ZNF536: variants seen among roughly 807,000 people sequenced by gnomAD.
ZNF536 encodes the protein zinc finger protein 536.
In ZNF536, 13 loss-of-function variants were observed where a neutral mutation model predicts 84.5. The ratio of observed to expected loss-of-function variants is 0.15; its 90% CI spans 0.10 to 0.24. The LOEUF (loss-of-function observed/expected upper bound fraction) is 0.24, where lower values mean the gene tolerates loss of function less well. ZNF536 is among the 10% of genes least tolerant of loss of function. The probability of loss-of-function intolerance (pLI) is 1.00; values close to 1 mark genes in which losing one functional copy is unlikely to be tolerated. For missense variants in ZNF536, 1,536 were observed against 1,747.5 expected (o/e 0.88, Z 2.16); for synonymous variants, 811 against 742.5 (o/e 1.09, Z -1.50).
intron 1 of ZNF536, among the ~76,000 whole-genome samples, chr19:30,680,527 C>T (rs1480359424): frequency 2.6e-5 from 4 of 151,140 alleles, no homozygotes; most frequent in Admixed American, 6.6e-5. Context: ...CTTGCGATAG[C>T]TTACTGAGAA....
intron 2 of ZNF536, among the ~76,000 whole-genome samples, chr19:30,342,515 C>A (rs2047597027): frequency 6.6e-6 from 1 of 152,146 alleles, no homozygotes; most frequent in African/African-American, 2.4e-5. Flanking sequence ...ATGGAAGATT[C>A]CAGTTTTATG....
intron 1 of ZNF536, among the ~76,000 whole-genome samples, chr19:30,384,112 CT>C (rs1189353689): frequency 9.0e-5 from 5 of 55,356 alleles, no homozygotes; most frequent in African/African-American, 3.7e-4. Flanking sequence ...TTCTTTCTTT[CT>C]TTCTTTCTTT....
chr19:30,295,425 T>C (rs532218644), intron 2 of ZNF536, among the ~76,000 whole-genome samples: 1 of 152,256 alleles, frequency 6.6e-6, no homozygotes, highest in East Asian at 1.9e-4. Flanking sequence ...GGTGTCAGAA[T>C]TGCGTGGAGG....
At chr19:30,237,916 C>A (rs1356602978) in intron 1 of ZNF536, among the ~76,000 whole-genome samples, 3 of 152,076 alleles carry the variant, frequency 2.0e-5, no homozygotes, top group Non-Finnish European at 4.4e-5. Context: ...CAGTGTAACA[C>A]CATGATAAAG....
At chr19:30,313,036 G>T (rs1026451738) in intron 2 of ZNF536, among the ~76,000 whole-genome samples, 1 of 152,226 alleles carries the variant, frequency 6.6e-6, no homozygotes. Context: ...TCCAGATCCC[G>T]CTGGGGTGAG....
intron 3 of ZNF536, among the ~76,000 whole-genome samples, chr19:30,538,453 C>T (rs2045184957): frequency 6.6e-6 from 1 of 152,142 alleles, no homozygotes; most frequent in African/African-American, 2.4e-5. Context: ...CTTTTTCTCC[C>T]CACTGCATTA....
intron 1 of ZNF536, among the ~76,000 whole-genome samples, chr19:30,386,285 C>A (rs1333089746): frequency 6.6e-6 from 1 of 152,252 alleles, no homozygotes; most frequent in Non-Finnish European, 1.5e-5. Context: ...TAGCCCCTCA[C>A]TCAGCTGAGC....
intron 1 of ZNF536, among the ~76,000 whole-genome samples, chr19:30,703,130 T>C (rs1268590952): frequency 6.6e-6 from 1 of 151,946 alleles, no homozygotes; most frequent in East Asian, 1.9e-4. Context: ...AGGAGTTGGA[T>C]GAAGTAGGGG....
At chr19:30,367,512 C>T (rs2048474194), upstream of ZNF536, among the ~76,000 whole-genome samples, 1 of 152,204 alleles carries the variant, frequency 6.6e-6, no homozygotes, top group South Asian at 2.1e-4. Context: ...TTCACACCTG[C>T]ACGCCCCATG....
chr19:30,552,039 T>C (rs957213109), intron 4 of ZNF536, among the ~76,000 whole-genome samples: 6 of 152,150 alleles, frequency 3.9e-5, no homozygotes, highest in African/African-American at 1.4e-4. Flanking sequence ...GGCTGTTTTT[T>C]TTTTCTTAAA....
chr19:30,389,241 G>C lies in ZNF536; in HGVS notation c.-3+16685G>C, dbSNP rs143791182. Among the ~76,000 whole-genome samples, 262 of 152,302 alleles carry C rather than the reference G, an allele frequency of 1.7e-3. 2 individuals carry two copies. The highest frequency in any genetic ancestry group is 5.7e-3 in the African/African-American group (239 of 41,572). ...GTTTGCGCAGCTTTTCTACTCAAAG[G>C]GGGTATGCGGAAGGCCAACCATGTG... is the stretch of plus-strand genomic sequence containing the variant. On this transcript the variant is annotated intron_variant, in intron 1 of 4. Transcript: ENST00000355537.
intron 2 of ZNF536, among the ~76,000 whole-genome samples, chr19:30,336,474 T>C (rs1391270938): frequency 6.6e-6 from 1 of 152,208 alleles, no homozygotes; most frequent in Admixed American, 6.5e-5. Context: ...CATAAACAAT[T>C]GCTATAGAAG....
At chr19:30,413,083 C>T (rs1335609115) in intron 1 of ZNF536, among the ~76,000 whole-genome samples, 3 of 151,902 alleles carry the variant, frequency 2.0e-5, no homozygotes, top group Admixed American at 6.5e-5. Context: ...TCCTCAATCC[C>T]ATGTTGTTTG....
chr19:30,277,220 T>G (rs899822913), intron 1 of ZNF536, among the ~76,000 whole-genome samples: 4 of 152,174 alleles, frequency 2.6e-5, no homozygotes, highest in African/African-American at 9.7e-5. Context: ...TTTTCAACAC[T>G]GTTGATGTGC....
At chr19:30,519,165 C>T (rs1382556038) in intron 2 of ZNF536, among the ~76,000 whole-genome samples, 4 of 152,352 alleles carry the variant, frequency 2.6e-5, no homozygotes, top group Admixed American at 6.5e-5. Flanking sequence ...CGCAGCCTAT[C>T]GCGTCCCAAG....
rs1024762721 is a variant in ZNF536 at position 30,466,576 on chromosome 19, A to G, written c.2170+20844A>G. 1.3e-4 allele frequency among the ~76,000 whole-genome samples: 14 copies of G among 108,288 alleles called. No homozygotes were observed. The East Asian group carries it at 5.0e-3, about 38-fold the overall frequency. The allele number at this position is 108,288 out of a possible 152,430, so 71.0% of individuals were successfully genotyped here. A position where few individuals can be genotyped will look rare whatever the true frequency, so the allele number is the denominator to read the frequency against. ...AAACCCTGTTAGAAAGAAAGAAAGA[A>G]AGAAAGAAAGAGAGAGAGAGAGAGA... is the stretch of plus-strand genomic sequence containing the variant. On this transcript the variant is annotated intron_variant, in intron 2 of 4. Transcript: ENST00000355537.
intron 2 of ZNF536, among the ~76,000 whole-genome samples, chr19:30,519,662 G>C (rs760996395): frequency 2.6e-5 from 4 of 152,216 alleles, no homozygotes; most frequent in Non-Finnish European, 5.9e-5. Context: ...CAGGTCAGAG[G>C]TGGCTAGTTA....
upstream of ZNF536, among the ~76,000 whole-genome samples, chr19:30,367,858 T>C (rs2048487403): frequency 6.6e-6 from 1 of 152,204 alleles, no homozygotes; most frequent in Non-Finnish European, 1.5e-5. Flanking sequence ...TCTTCTCCTT[T>C]TCCTTCTTCC....
chr19:30,664,203 TTTCTCTCTCTC>T (rs1351012184), intron 1 of ZNF536, among the ~76,000 whole-genome samples: 11 of 88,706 alleles, frequency 1.2e-4, no homozygotes, highest in Non-Finnish European at 1.8e-4. Context: ...CTTGCTGAGT[TTTCTCTCTCTC>T]TCTCTCTCTC....
Sources: allele counts gnomAD v4.1 joint callset (sites outside exome capture counted in the v4.1 genomes callset), GRCh38; gene constraint gnomAD v4.1.1; transcripts MANE v1.5; gene names NCBI Gene and HGNC (gene_info 2026-07-23, HGNC 2026-07-21).